CPPED1: variants seen among roughly 807,000 people sequenced by gnomAD.
The protein encoded by CPPED1 is calcineurin like phosphoesterase domain containing 1, also known as serine/threonine-protein phosphatase CPPED1.
CPPED1 carries 28 observed loss-of-function variants against 28.0 expected under a neutral mutation model. The observed-to-expected ratio is 1.00, with a 90% confidence interval of 0.74 to 1.37. The LOEUF is 1.37. Ranked by LOEUF, CPPED1 falls within the 40% of genes most tolerant of loss-of-function variation. CPPED1 has a pLI of 0.00. For missense variants in CPPED1, 504 were observed against 416.5 expected, an observed-to-expected ratio of 1.21 and a Z score of -1.83; for synonymous variants, 198 against 180.2, an observed-to-expected ratio of 1.10 and a Z score of -0.79.
rs868819033 is a variant in CPPED1, at chr16:12,781,167, C to T, written c.289+18G>A. 3.1e-6 allele frequency: 5 copies of T among 1,602,472 alleles called. No homozygotes were observed. The highest frequency in any genetic ancestry group is 1.1e-5 in the South Asian group (1 of 89,772). On this transcript the variant is annotated intron_variant, in intron 2 of 3. Transcript: ENST00000381774. ...CGGCTGAAGGAGAAAAGGTCACAAG[C>T]GATGACCCGAGTCTTACCTGGCATG...
At chr16:12,699,064 C>T (rs1352134053) in intron 3 of CPPED1, among the ~76,000 whole-genome samples, 1 of 152,140 alleles carries the variant, frequency 6.6e-6, no homozygotes, top group Non-Finnish European at 1.5e-5. Flanking sequence ...TATATTAACC[C>T]TCTGCTGAAA....
chr16:12,765,903 C>T (rs1255752249), intron 2 of CPPED1, among the ~76,000 whole-genome samples: 1 of 152,110 alleles, frequency 6.6e-6, no homozygotes, highest in Non-Finnish European at 1.5e-5. Context: ...GATAATTGAA[C>T]CCCTTTGGGA....
chr16:12,742,078 A>AAAAT (rs141095464), intron 2 of CPPED1, among the ~76,000 whole-genome samples: 7 of 151,110 alleles, frequency 4.6e-5, no homozygotes, highest in East Asian at 1.9e-4. Flanking sequence ...AAAATAAAAT[A>AAAAT]AAATAAATAA....
intron 1 of CPPED1, 51 bp from the exon 2 acceptor site, chr16:12,781,454 A>G (rs1208752170): frequency 6.5e-7 from 1 of 1,549,748 alleles, no homozygotes; most frequent in Non-Finnish European, 8.8e-7. Flanking sequence ...AAAATCTGTC[A>G]TAAAAGCAAC....
chr16:12,683,395 C>T (rs780568271), intron 3 of CPPED1, among the ~76,000 whole-genome samples: 12 of 152,142 alleles, frequency 7.9e-5, no homozygotes, highest in African/African-American at 2.7e-4. Flanking sequence ...CCCCTTCTCT[C>T]GTCCCTTTCC....
At chr16:12,785,220 A>G (rs950744665) in intron 1 of CPPED1, among the ~76,000 whole-genome samples, 4 of 152,168 alleles carry the variant, frequency 2.6e-5, no homozygotes, top group African/African-American at 9.7e-5. Flanking sequence ...TTAAAAGGGC[A>G]GCTTTTTACA....
At chr16:12,735,346 C>T (rs1259402136) in intron 2 of CPPED1, among the ~76,000 whole-genome samples, 1 of 152,226 alleles carries the variant, frequency 6.6e-6, no homozygotes, top group African/African-American at 2.4e-5. Flanking sequence ...GGCTAGAGCA[C>T]AGTGGCATGA....
At chr16:12,744,211 G>A (rs1274849565) in intron 2 of CPPED1, among the ~76,000 whole-genome samples, 2 of 151,816 alleles carry the variant, frequency 1.3e-5, no homozygotes, top group Non-Finnish European at 2.9e-5. Context: ...AGGAGGCGGA[G>A]CTTGCAGTGA....
chr16:12,730,162 A>G (rs1179662366), intron 2 of CPPED1, among the ~76,000 whole-genome samples: 2 of 151,914 alleles, frequency 1.3e-5, no homozygotes, highest in East Asian at 1.9e-4. Context: ...ACGGCCAGCT[A>G]ATTTTTTTTA....
intron 2 of CPPED1, among the ~76,000 whole-genome samples, chr16:12,769,625 T>C (rs1012615030): frequency 3.3e-5 from 5 of 152,174 alleles, no homozygotes; most frequent in African/African-American, 1.2e-4. Flanking sequence ...AAGGGCGGCA[T>C]TGTCACTGAT....
intron 1 of CPPED1, among the ~76,000 whole-genome samples, chr16:12,786,363 T>C (rs2080563069): frequency 6.6e-6 from 1 of 152,022 alleles, no homozygotes. Flanking sequence ...CTTACATGGG[T>C]TGGAGGAGAA....
chr16:12,802,712 TGA>T (rs1434342115), intron 1 of CPPED1, among the ~76,000 whole-genome samples: 1 of 152,152 alleles, frequency 6.6e-6, no homozygotes, highest in African/African-American at 2.4e-5. Context: ...GTGTGACGGT[TGA>T]GAGAGCCAGG....
At chr16:12,797,368 C>T (rs562672127) in intron 1 of CPPED1, among the ~76,000 whole-genome samples, 4 of 152,070 alleles carry the variant, frequency 2.6e-5, no homozygotes, top group African/African-American at 4.8e-5. Context: ...CTGAGTGACA[C>T]AGCGAAACTG....
Position 12,664,790 on chromosome 16 carries a change from A to C in CPPED1, c.*96T>G. On this transcript the variant is annotated 3_prime_UTR_variant, in exon 4 of 4. Transcript: ENST00000381774. This position sits in a 1 kb window ranked among gnomAD's most constrained non-coding sequence, Gnocchi z 4.2. ...ATAAATTCACAAACCTGCCTGGGCT[A>C]TTTTTATATTTCAGCAAGAGGTTGT... 2 of 1,553,328 alleles carry C rather than the reference A, an allele frequency of 1.3e-6. No individual in the cohort carries two copies. Among genetic ancestry groups the C allele is most frequent in the Non-Finnish European group, 8.6e-7 (1 of 1,157,410 alleles).
intron 3 of CPPED1, among the ~76,000 whole-genome samples, chr16:12,676,155 C>T (rs368105526): frequency 6.6e-6 from 1 of 152,148 alleles, no homozygotes; most frequent in African/African-American, 2.4e-5. Context: ...CCCCAGTGAC[C>T]CAATGCCTGT....
intron 3 of CPPED1, among the ~76,000 whole-genome samples, chr16:12,683,487 A>G (rs1229485872): frequency 6.6e-6 from 1 of 152,004 alleles, no homozygotes; most frequent in East Asian, 1.9e-4. Flanking sequence ...CCAGCCAACA[A>G]TCGGTTCCTA....
rs556083656 is a variant in CPPED1, at chr16:12,770,983, G to C, written c.289+10202C>G. 2.0e-5 allele frequency among the ~76,000 whole-genome samples: 3 copies of C among 152,198 alleles called. No homozygotes were observed. The South Asian group carries it at 6.2e-4, about 32-fold the overall frequency. On this transcript the variant is annotated intron_variant, in intron 2 of 3. Transcript: ENST00000381774. ...CCCCGAGGGAAGCACTTAGGGGGTGGTCAAAGTTTATTTTAAATATAGATT... is the reference window on the plus strand; with the variant it reads ...CCCCGAGGGAAGCACTTAGGGGGTGCTCAAAGTTTATTTTAAATATAGATT...
At chr16:12,689,058 C>T (rs1396240791) in intron 3 of CPPED1, among the ~76,000 whole-genome samples, 3 of 152,066 alleles carry the variant, frequency 2.0e-5, no homozygotes, top group African/African-American at 7.2e-5. Flanking sequence ...GTGGAAACAA[C>T]CTCAGTGTCC....
At chr16:12,743,223 A>C (rs1258339030) in intron 2 of CPPED1, among the ~76,000 whole-genome samples, 1 of 152,176 alleles carries the variant, frequency 6.6e-6, no homozygotes, top group Non-Finnish European at 1.5e-5. Context: ...TCTGCTAGTG[A>C]AGTCTTTTCT....
Sources: allele counts gnomAD v4.1 joint callset (sites outside exome capture counted in the v4.1 genomes callset), GRCh38; gene constraint gnomAD v4.1.1; non-coding constraint Gnocchi (gnomAD v3.1); transcripts MANE v1.5; gene names NCBI Gene and HGNC (gene_info 2026-07-23, HGNC 2026-07-21).